RUFY1: variants seen among roughly 807,000 people sequenced by gnomAD.
RUFY1 encodes the protein RUN and FYVE domain-containing protein 1.
In RUFY1, 54 loss-of-function variants were observed where a neutral mutation model predicts 94.6. The observed-to-expected ratio is 0.57, with a 90% CI of 0.46 to 0.72. The LOEUF (loss-of-function observed/expected upper bound fraction) is 0.72. Among genes scored for constraint, RUFY1 ranks in the 30% least tolerant of loss-of-function variants. The pLI is 0.00. For synonymous variants in RUFY1, 396 were observed against 347.3 expected, an observed-to-expected ratio of 1.14 and a Z score of -1.56; for missense variants, 883 against 883.9, an observed-to-expected ratio of 1.00 and a Z score of 0.01.
In RUFY1 at chr5:179,602,373, T is replaced by TC. The variant is rs150802935; in HGVS notation, c.1856+388dup. The stretch of plus-strand genomic sequence containing the variant: ...GAAGCCTGGCACAGTAGAGGTGCAC[T>TC]CACCCGCCTTGCACAGCACAGCCCC... On this transcript the variant is annotated intron_variant, in intron 15 of 17. Transcript: ENST00000319449. 7.9e-3 allele frequency: 1,545 copies of TC among 194,784 alleles called. 30 individuals carry two copies. The highest frequency in any genetic ancestry group is 0.031 in the African/African-American group (1,350 of 43,666). 12.1% of individuals were successfully genotyped at this position (194,784 alleles called of 1,614,324 possible).
At chr5:179,592,390 T>C (rs895677867) in intron 10 of RUFY1, among the ~76,000 whole-genome samples, 1 of 152,202 alleles carries the variant, frequency 6.6e-6, no homozygotes, top group Non-Finnish European at 1.5e-5. Flanking sequence ...AGTGCTGGGA[T>C]TACAGGCCTG....
chr5:179,566,073 C>G (rs1310707045), intron 3 of RUFY1, among the ~76,000 whole-genome samples: 1 of 151,756 alleles, frequency 6.6e-6, no homozygotes, highest in African/African-American at 2.4e-5. Context: ...CCTGGGAGTT[C>G]CAGGCTGCAG....
chr5:179,602,660 G>C (rs983543789), intron 15 of RUFY1: 1 of 152,284 alleles, frequency 6.6e-6, no homozygotes, highest in African/African-American at 2.4e-5. Context: ...AGGGCGCATG[G>C]TTGCAAGTAA....
At chr5:179,559,462 C>T (rs1424330879) in intron 1 of RUFY1, among the ~76,000 whole-genome samples, 3 of 152,220 alleles carry the variant, frequency 2.0e-5, no homozygotes, top group Non-Finnish European at 4.4e-5. Context: ...TCCCTGCAGG[C>T]ACCCGGCTGG....
chr5:179,561,795 G>A (rs1561967972), intron 2 of RUFY1, among the ~76,000 whole-genome samples: 1 of 138,794 alleles, frequency 7.2e-6, no homozygotes, highest in Non-Finnish European at 1.5e-5. Flanking sequence ...CCATTCTCCT[G>A]CCTCAGCCTC....
chr5:179,565,612 C>T (rs571371325), intron 3 of RUFY1, among the ~76,000 whole-genome samples: 288 of 151,392 alleles, frequency 1.9e-3, no homozygotes, highest in African/African-American at 6.7e-3. Flanking sequence ...CTTTGTGTAT[C>T]GAATATTCAT....
At chr5:179,559,963 C>A (rs1251045180) in intron 1 of RUFY1, 62 bp from the exon 2 acceptor site, 10 of 1,553,614 alleles carry the variant, frequency 6.4e-6, no homozygotes, top group Non-Finnish European at 8.7e-6. Context: ...TCACCGTTGC[C>A]CGGAGTCTGA....
rs546387072 is a variant in RUFY1, at chr5:179,609,358, C to A, written c.1984-18C>A. ...TTTTCCCCGGGTGTCCTGTGACCGC[C>A]TTCTTCCCGTCCTGTAGCACCACTG... On this transcript the variant is annotated intron_variant, in intron 17 of 17. Transcript: ENST00000319449. 38 of 1,611,694 alleles carry A rather than the reference C, an allele frequency of 2.4e-5. No homozygotes were observed. The East Asian group carries it at 7.8e-4, about 33-fold the overall frequency.
At chr5:179,605,755 G>C in intron 15 of RUFY1, 121 bp from the exon 16 acceptor site, 1 of 748,428 alleles carries the variant, frequency 1.3e-6, no homozygotes. Flanking sequence ...AACAACTCAC[G>C]TTCTGGGTCT....
Position 179,563,680 on chromosome 5 carries a change from C to CT in RUFY1, c.602+1027dup, listed in dbSNP as rs34656379. On this transcript the variant is annotated intron_variant, in intron 3 of 17. Coordinates refer to ENST00000319449, the MANE Select transcript of RUFY1 (RefSeq NM_025158.5). ...AGCTTTCAAATGTTTATTTCATGAC[C>CT]TTTTTTTTTTTGAGAAGGAGTCTCA... 3.1e-3 allele frequency among the ~76,000 whole-genome samples: 460 copies of CT among 147,902 alleles called. 1 individual carries two copies. The highest frequency in any genetic ancestry group is 8.4e-3 in the African/African-American group (343 of 40,618).
intron 1 of RUFY1, among the ~76,000 whole-genome samples, chr5:179,552,970 G>T (rs1163810682): frequency 3.9e-5 from 6 of 152,268 alleles, no homozygotes; most frequent in African/African-American, 1.4e-4. Flanking sequence ...AGCAGGACTA[G>T]CTTCATGGGT....
chr5:179,580,245 ATTT>A (rs1284315225), intron 6 of RUFY1, among the ~76,000 whole-genome samples: 7 of 81,684 alleles, frequency 8.6e-5, no homozygotes, highest in Non-Finnish European at 1.2e-4. Flanking sequence ...GTGTGTGTAT[ATTT>A]TTTTTTTTTT....
intron 16 of RUFY1, chr5:179,606,197 G>A: frequency 3.8e-6 from 2 of 524,582 alleles, no homozygotes; most frequent in Non-Finnish European, 6.8e-6. Context: ...TTCCCTAAGG[G>A]GGAAGCAGGT....
In RUFY1 at chr5:179,607,625, A is replaced by G. The variant is rs756406797; in HGVS notation, c.1949A>G (p.Gln650Arg). 1.2e-6 allele frequency: 2 copies of G among 1,614,232 alleles called. No individual in the cohort carries two copies. The highest frequency in any genetic ancestry group is 8.5e-7 in the Non-Finnish European group (1 of 1,180,030). The change falls in exon 17 of 18, where the codon CAG becomes CGG. Residue 650 changes from glutamine (Q) to arginine (R), a missense_variant. By Grantham distance (43) the Gln-to-Arg change is conservative. Coordinates refer to ENST00000319449, the MANE Select transcript of RUFY1 (RefSeq NM_025158.5). ...GATGACGAAGCGACACACTGTAGGC[A>G]GTGTGAGAAGGAGTTCTCCATTTCC... ...LKDDEATHCR[Q>R]CEKEFSISRR...
intron 1 of RUFY1, among the ~76,000 whole-genome samples, chr5:179,556,457 CATAAAT>C (rs1467978717): frequency 1.3e-5 from 2 of 151,092 alleles, no homozygotes; most frequent in African/African-American, 4.9e-5. Context: ...GTAACAGGAA[CATAAAT>C]ATAATTTTTA....
intron 6 of RUFY1, among the ~76,000 whole-genome samples, chr5:179,579,657 C>CTTCTTTTTTTTTTTTTTTTT (rs1433456916): frequency 4.0e-5 from 2 of 50,560 alleles, no homozygotes; most frequent in Admixed American, 3.8e-4. Flanking sequence ...TTTTCTTCTT[C>CTTCTTTTTTTTTTTTTTTTT]TTTTTTTTTT....
At position 179,569,395 on chromosome 5, in the gene RUFY1, C is replaced by G. The variant is rs150352195; in HGVS notation, c.798C>G (p.Leu266=). The G allele has an allele frequency of 1.2e-6, 2 of 1,613,554 alleles. No homozygotes were observed. Among genetic ancestry groups the G allele is most frequent in the South Asian group, 1.1e-5 (1 of 91,072 alleles). The change falls in exon 5 of 18, where the codon CTC becomes CTG. Residue 266 remains leucine (L), a synonymous_variant. Transcript: ENST00000319449. The part of the protein sequence containing the change: ...LVGLNVLDAN[L]CLKGEDLDSQ... ...GACTCAATGTTCTCGATGCCAATCT[C>G]TGCTTGAAAGGAGAAGACTTGGATT...
Position 179,560,114 on chromosome 5 carries a change from C to G in RUFY1, c.400C>G (p.Leu134Val). The change falls in exon 2 of 18, where the codon CTG becomes GTG. Residue 134 changes from leucine to valine, a missense_variant. Physicochemically the swap from Leu to Val is conservative, Grantham distance 32. Coordinates refer to ENST00000319449, the MANE Select transcript of RUFY1 (RefSeq NM_025158.5). ...IKVLLQSALS[L>V]GRSLDADHAP... ...GGTGTTGCTCCAGTCGGCTCTGAGC[C>G]TGGGCCGCAGCCTGGATGCGGACCA... 1.2e-6 allele frequency: 2 copies of G among 1,614,096 alleles called. No homozygotes were observed. The highest frequency in any genetic ancestry group is 1.7e-6 in the Non-Finnish European group (2 of 1,180,014).
chr5:179,609,296 C>T lies in RUFY1; in HGVS notation c.1984-80C>T, dbSNP rs149729024. 301 of 1,478,874 alleles carry T rather than the reference C, an allele frequency of 2.0e-4. 3 individuals are homozygous for T. The African/African-American group carries it at 3.1e-3, about 15-fold the overall frequency. The allele number at this position is 1,478,874 out of a possible 1,614,324, so 91.6% of individuals were successfully genotyped here. A position where few individuals can be genotyped will look rare whatever the true frequency, so the allele number is the denominator to read the frequency against. The stretch of plus-strand genomic sequence containing the variant: ...GAACCCATTCCCAGCAAATGATGCG[C>T]TTCTGGGTCAGGAAGCAGGGAGGGT... On this transcript the variant is annotated intron_variant, in intron 17 of 17. Transcript: ENST00000319449.
Sources: allele counts gnomAD v4.1 joint callset (sites outside exome capture counted in the v4.1 genomes callset), GRCh38; gene constraint gnomAD v4.1.1; transcripts MANE v1.5; gene names NCBI Gene and HGNC (gene_info 2026-07-23, HGNC 2026-07-21).